The following NUTM2D variants were observed in gnomAD, a reference collection of about 807,000 sequenced individuals.
NUTM2D encodes NUT family member 2A pseudogene.
A neutral mutation model predicts 43.5 loss-of-function variants in NUTM2D; 2 were observed. That is an observed-to-expected ratio of 0.05 (90% CI 0.02 to 0.14). The LOEUF (loss-of-function observed/expected upper bound fraction) is 0.14. NUTM2D is among the 10% of genes least tolerant of loss of function. NUTM2D has a pLI of 1.00. For missense variants in NUTM2D, 48 were observed against 668.7 expected (o/e 0.07, Z 10.24); for synonymous variants, 24 against 276.6 (o/e 0.09, Z 9.06).
intron 1 of NUTM2D, among the ~76,000 whole-genome samples, chr10:87,359,774 A>T (rs1190146098): frequency 6.9e-6 from 1 of 145,244 alleles, no homozygotes; most frequent in African/African-American, 2.6e-5. Flanking sequence ...GCTCCCTGGG[A>T]ACAGAGCTTC....
At chr10:87,370,418 T>C (rs1850343680), downstream of NUTM2D, 2 of 152,246 alleles carry the variant, frequency 1.3e-5, no homozygotes, top group Non-Finnish European at 2.9e-5. Flanking sequence ...ATATACCCAC[T>C]AGCTGTGTGA....
At chr10:87,370,646 A>G (rs377456277), downstream of NUTM2D, 1 of 152,172 alleles carries the variant, frequency 6.6e-6, no homozygotes, top group East Asian at 1.9e-4. Flanking sequence ...GTGTTTTGTC[A>G]TTGAGTTATA....
chr10:87,360,186 C>T, intron 1 of NUTM2D, among the ~76,000 whole-genome samples: 1 of 89,444 alleles, frequency 1.1e-5, no homozygotes, highest in Non-Finnish European at 2.3e-5. Flanking sequence ...TGGGAGATGC[C>T]TGTGAGGCTG....
chr10:87,358,473 C>T, intron 1 of NUTM2D, 42 bp downstream of exon 1: 1 of 1,612,616 alleles, frequency 6.2e-7, no homozygotes, highest in Non-Finnish European at 8.5e-7. Context: ...GTCTGCCATG[C>T]CTCAACTCCT....
chr10:87,358,509 CG>C (rs1850239670), intron 1 of NUTM2D, 78 bp downstream of exon 1: 1 of 1,604,962 alleles, frequency 6.2e-7, no homozygotes, highest in Admixed American at 1.7e-5. Context: ...GACACTGCCC[CG>C]GGGACAGTTG....
chr10:87,361,511 C>A (rs1850262661), intron 2 of NUTM2D, among the ~76,000 whole-genome samples: 1 of 52,126 alleles, frequency 1.9e-5, no homozygotes, highest in Non-Finnish European at 4.2e-5. Context: ...TCTTTGAGTA[C>A]ACACCCCAGT....
downstream of NUTM2D, chr10:87,367,548 A>G (rs1850314473): frequency 4.5e-5 from 27 of 599,444 alleles, no homozygotes; most frequent in South Asian, 4.6e-4. Context: ...TGCAACATGG[A>G]CATGGGGAGA....
At position 87,366,505 on chromosome 10, in the gene NUTM2D, TCTC is replaced by T; in HGVS notation, c.2005_2007del (p.Pro669del). On this transcript the variant is annotated inframe_deletion, in exon 7 of 7. Transcript: ENST00000381697. Reference sequence around the variant, plus strand: ...GGATGCCTTGGATCTCCCTGGAGGGTCTCCTGTCAGGGAGTCACATGGGCTGGC... The same window carrying T: ...GGATGCCTTGGATCTCCCTGGAGGGTCTGTCAGGGAGTCACATGGGCTGGC... 1 of 717,370 alleles carries T rather than the reference TCTC, an allele frequency of 1.4e-6. No homozygotes were observed. Among genetic ancestry groups the T allele is most frequent in the Admixed American group, 2.1e-5 (1 of 48,112 alleles). 44.4% of individuals were successfully genotyped at this position (717,370 alleles called of 1,614,324 possible). A position where few individuals can be genotyped will look rare whatever the true frequency, so the allele number is the denominator to read the frequency against.
chr10:87,370,460 CA>C (rs1466489726), downstream of NUTM2D: 2 of 152,198 alleles, frequency 1.3e-5, no homozygotes, highest in Admixed American at 1.3e-4. Flanking sequence ...TTCGAGCCAA[CA>C]TTTATTATCA....
intron 2 of NUTM2D, among the ~76,000 whole-genome samples, chr10:87,362,817 T>C (rs1297891192): frequency 6.6e-6 from 1 of 152,032 alleles, no homozygotes; most frequent in Non-Finnish European, 1.5e-5. Context: ...GCTTTAACCC[T>C]GATTGCCTCC....
chr10:87,370,413 C>A (rs180826636), downstream of NUTM2D: 7 of 152,292 alleles, frequency 4.6e-5, no homozygotes, highest in East Asian at 1.2e-3. Context: ...ATTTTATATA[C>A]CCACTAGCTG....
chr10:87,370,627 A>G (rs1239053494), downstream of NUTM2D: 1 of 152,256 alleles, frequency 6.6e-6, no homozygotes, highest in Admixed American at 6.5e-5. Context: ...AGTAATTTTT[A>G]ACTGGTTTGT....
chr10:87,365,388 G>A (rs1280920912), intron 5 of NUTM2D, among the ~76,000 whole-genome samples, 185 bp downstream of exon 5: 2 of 150,324 alleles, frequency 1.3e-5, no homozygotes, highest in African/African-American at 4.9e-5. Context: ...TTGTTACTGT[G>A]TGTCTTTGTG....
At chr10:87,367,341 C>A (rs376125273), downstream of NUTM2D, 398 of 1,609,110 alleles carry the variant, frequency 2.5e-4, no homozygotes, top group Non-Finnish European at 3.1e-4. Context: ...TAGGGAGCCC[C>A]TTCAGATGCT....
At chr10:87,360,453 C>T (rs1195167060) in intron 1 of NUTM2D, 28 bp from the exon 2 acceptor site, 1 of 265,172 alleles carries the variant, frequency 3.8e-6, no homozygotes, top group Non-Finnish European at 5.5e-6. Context: ...GACCCCAGCT[C>T]ATTCACCTCT....
Position 87,361,181 on chromosome 10 carries a change from G to C in NUTM2D, c.866+1G>C. 1 of 1,476,618 alleles carries C rather than the reference G, an allele frequency of 6.8e-7. No individual in the cohort carries two copies. Among genetic ancestry groups the C allele is most frequent in the South Asian group, 1.2e-5 (1 of 80,256 alleles). 91.5% of individuals were successfully genotyped at this position (1,476,618 alleles called of 1,614,324 possible). A position where few individuals can be genotyped will look rare whatever the true frequency, so the allele number is the denominator to read the frequency against. ...CCGAAGCGCTTTCGTGCTTCCTCAT[G>C]TGAGTGTCCTGGGGGCATTGGAGCT... On this transcript the variant is annotated splice_donor_variant, in intron 2 of 6. Coordinates refer to ENST00000381697, the MANE Select transcript of NUTM2D (RefSeq NM_001382304.1). LOFTEE classifies it high-confidence loss of function.
chr10:87,360,168 C>A (rs1313603611), intron 1 of NUTM2D, among the ~76,000 whole-genome samples: 1 of 97,598 alleles, frequency 1.0e-5, no homozygotes, highest in African/African-American at 4.5e-5. Context: ...CATCCCTGAC[C>A]CATGGCTTGG....
chr10:87,359,588 T>C, intron 1 of NUTM2D, among the ~76,000 whole-genome samples: 1 of 96,658 alleles, frequency 1.0e-5, no homozygotes, highest in Non-Finnish European at 2.1e-5. Context: ...GGGCCAGGGA[T>C]GGGCTCCTTG....
Position 87,361,175 on chromosome 10 carries a change from C to T in NUTM2D, c.861C>T (p.Phe287=). 1 of 1,476,000 alleles carries T rather than the reference C, an allele frequency of 6.8e-7. No individual in the cohort carries two copies. The highest frequency in any genetic ancestry group is 1.2e-5 in the South Asian group (1 of 80,240). 91.4% of individuals were successfully genotyped at this position (1,476,000 alleles called of 1,614,324 possible). The part of the protein sequence containing the change: ...QSPDTEALSC[F]LIPVLRSLAR... ...CTGACACCGAAGCGCTTTCGTGCTT[C>T]CTCATGTGAGTGTCCTGGGGGCATT... The change falls in exon 2 of 7, where the codon TTC becomes TTT. Residue 287 remains phenylalanine, a synonymous_variant. Coordinates refer to ENST00000381697, the MANE Select transcript of NUTM2D (RefSeq NM_001382304.1).
Sources: gnomAD v4.1 joint callset for allele counts (sites outside exome capture counted in the v4.1 genomes callset) on GRCh38, gnomAD v4.1.1 for gene constraint, MANE v1.5 for transcripts, NCBI Gene and HGNC (gene_info 2026-07-23, HGNC 2026-07-21) for gene names.